The following EXOC4 variants were observed in gnomAD, a reference collection of about 807,000 sequenced individuals.
EXOC4 encodes the protein exocyst complex component 4.
A neutral mutation model predicts 107.2 loss-of-function variants in EXOC4; 71 were observed. The ratio of observed to expected loss-of-function variants is 0.66; its 90% CI spans 0.55 to 0.81. The LOEUF (loss-of-function observed/expected upper bound fraction) is 0.81, where lower values mean the gene tolerates loss of function less well. Among genes scored for constraint, EXOC4 ranks in the 30% least tolerant of loss-of-function variants. The pLI, the probability that EXOC4 is intolerant of heterozygous loss-of-function variation, is 0.00. For synonymous variants in EXOC4, 456 were observed against 441.2 expected (o/e 1.03, Z -0.42); for missense variants, 1,108 against 1,189.6 (o/e 0.93, Z 1.01).
intron 7 of EXOC4, among the ~76,000 whole-genome samples, chr7:133,404,578 G>A (rs1281705605): frequency 6.6e-6 from 1 of 151,938 alleles, no homozygotes; most frequent in African/African-American, 2.4e-5. Flanking sequence ...ATTCCCTAAA[G>A]TGCTGTGCAC....
Position 133,255,181 on chromosome 7 carries a change from C to CTTTTT in EXOC4, c.86+1998_86+1999insTTTTT, listed in dbSNP as rs1398216020. 2.6e-5 allele frequency among the ~76,000 whole-genome samples: 4 copies of CTTTTT among 151,402 alleles called. No homozygotes were observed. The South Asian group carries it at 6.2e-4, about 24-fold the overall frequency. On this transcript the variant is annotated intron_variant, in intron 1 of 17. Transcript: ENST00000253861. ...CATTATATTGCTTTTCTTTTCTTTT[C>CTTTTT]TTTTCTTTTTTTTTGAGACAGAGTC...
chr7:133,906,030 G>C (rs898654673), intron 12 of EXOC4, among the ~76,000 whole-genome samples: 1 of 152,198 alleles, frequency 6.6e-6, no homozygotes, highest in Non-Finnish European at 1.5e-5. Flanking sequence ...AGTGGACAGT[G>C]TGGTTGGGTA....
intron 7 of EXOC4, among the ~76,000 whole-genome samples, chr7:133,432,747 A>G (rs1174742421): frequency 6.6e-6 from 1 of 152,228 alleles, no homozygotes; most frequent in Admixed American, 6.5e-5. Context: ...ATTGCTTACT[A>G]CATTATCCAA....
chr7:133,274,115 C>T (rs1305764768), intron 1 of EXOC4, among the ~76,000 whole-genome samples: 1 of 152,124 alleles, frequency 6.6e-6, no homozygotes, highest in African/African-American at 2.4e-5. Context: ...ATCTCATTCC[C>T]TGGTTATTGT....
At chr7:133,285,479 A>G (rs549769910) in intron 2 of EXOC4, among the ~76,000 whole-genome samples, 1 of 152,304 alleles carries the variant, frequency 6.6e-6, no homozygotes, top group East Asian at 1.9e-4. Flanking sequence ...AAAATTTTGA[A>G]GGTATATCAT....
intron 10 of EXOC4, among the ~76,000 whole-genome samples, chr7:133,738,016 A>G (rs1795485231): frequency 6.7e-6 from 1 of 149,872 alleles, no homozygotes; most frequent in East Asian, 2.0e-4. Flanking sequence ...GGTTCAAGCA[A>G]TTCTGCTGCC....
intron 10 of EXOC4, among the ~76,000 whole-genome samples, chr7:133,697,114 GTGTT>G (rs767773322): frequency 7.2e-5 from 11 of 152,116 alleles, no homozygotes; most frequent in Non-Finnish European, 1.0e-4. Context: ...GACCTGGGAA[GTGTT>G]TGTTTGTTTG....
intron 9 of EXOC4, among the ~76,000 whole-genome samples, chr7:133,533,837 A>C (rs921999117): frequency 1.3e-5 from 2 of 152,114 alleles, no homozygotes; most frequent in Non-Finnish European, 2.9e-5. Flanking sequence ...ACAGGAGTAC[A>C]GTTTGACTCT....
chr7:133,408,079 G>C (rs1488040681), intron 7 of EXOC4, among the ~76,000 whole-genome samples: 1 of 152,142 alleles, frequency 6.6e-6, no homozygotes, highest in African/African-American at 2.4e-5. Flanking sequence ...TGGTGTAATA[G>C]ATGATGATGG....
intron 5 of EXOC4, among the ~76,000 whole-genome samples, chr7:133,319,770 A>AT: frequency 6.7e-6 from 1 of 149,640 alleles, no homozygotes; most frequent in East Asian, 2.0e-4. Flanking sequence ...ATGAGCTACC[A>AT]TGCCTGGCCA....
At chr7:133,690,692 A>G (rs1373504609) in intron 10 of EXOC4, among the ~76,000 whole-genome samples, 1 of 152,186 alleles carries the variant, frequency 6.6e-6, no homozygotes. Flanking sequence ...GATTAACAGG[A>G]TAAAAGTTAC....
rs6953378 is a variant in EXOC4, at chr7:133,909,133, G to A, written c.1872-8450G>A. 2.4e-3 allele frequency among the ~76,000 whole-genome samples: 364 copies of A among 152,220 alleles called. 6 individuals carry two copies. The highest frequency in any genetic ancestry group is 8.0e-3 in the African/African-American group (334 of 41,534). On this transcript the variant is annotated intron_variant, in intron 12 of 17. Coordinates refer to ENST00000253861, the MANE Select transcript of EXOC4 (RefSeq NM_021807.4). ...TTATGTCGTTTGTTATTTTCCTGGC[G>A]TTTTGTGCTTCAGTTATGTCATTCA...
At chr7:133,989,016 A>G (rs1055102778) in intron 14 of EXOC4, among the ~76,000 whole-genome samples, 8 of 152,248 alleles carry the variant, frequency 5.3e-5, no homozygotes, top group Admixed American at 4.6e-4. Context: ...GGGCCAGGTA[A>G]GAAGCAGAGA....
chr7:133,393,726 C>T (rs1796907727), intron 7 of EXOC4, among the ~76,000 whole-genome samples: 1 of 152,176 alleles, frequency 6.6e-6, no homozygotes, highest in Non-Finnish European at 1.5e-5. Context: ...CCTCACCAGA[C>T]ATTAAATTTG....
At chr7:133,318,666 T>A (rs1450434371) in intron 5 of EXOC4, among the ~76,000 whole-genome samples, 1 of 152,212 alleles carries the variant, frequency 6.6e-6, no homozygotes, top group South Asian at 2.1e-4. Context: ...TAATTGGAAA[T>A]GTTTCTGTTG....
intron 13 of EXOC4, 103 bp downstream of exon 13, chr7:133,917,841 C>A: frequency 1.8e-6 from 2 of 1,128,730 alleles, no homozygotes; most frequent in Non-Finnish European, 2.5e-6. Context: ...AAAAATCAAG[C>A]AGCAATTACT....
chr7:133,488,605 A>G (rs1799313784), intron 9 of EXOC4, among the ~76,000 whole-genome samples: 1 of 152,186 alleles, frequency 6.6e-6, no homozygotes, highest in African/African-American at 2.4e-5. Flanking sequence ...AAACAAAGAA[A>G]TTGGATTTGT....
intron 10 of EXOC4, among the ~76,000 whole-genome samples, chr7:133,671,762 A>G (rs575644975): frequency 1.3e-5 from 2 of 152,270 alleles, no homozygotes; most frequent in Non-Finnish European, 2.9e-5. Context: ...ATGTGCAGGT[A>G]AGAAAAAGAG....
At chr7:133,544,825 C>T (rs964303438) in intron 9 of EXOC4, among the ~76,000 whole-genome samples, 5 of 104,042 alleles carry the variant, frequency 4.8e-5, no homozygotes, top group Non-Finnish European at 7.9e-5. Flanking sequence ...TTGTAGGTTT[C>T]CTTCCCTTTT....
Sources: allele counts gnomAD v4.1 joint callset (sites outside exome capture counted in the v4.1 genomes callset), GRCh38; gene constraint gnomAD v4.1.1; transcripts MANE v1.5; gene names NCBI Gene and HGNC (gene_info 2026-07-23, HGNC 2026-07-21).